Variants in HSD17B12 observed in about 807,000 individuals in gnomAD.
The protein encoded by HSD17B12 is very-long-chain 3-oxoacyl-CoA reductase.
A neutral mutation model predicts 39.3 loss-of-function variants in HSD17B12; 32 were observed. That is an observed-to-expected ratio of 0.81 (90% CI 0.61 to 1.09). The LOEUF is 1.09. Ranked by LOEUF, HSD17B12 falls within the 50% of genes least tolerant of loss-of-function variation. The pLI, the probability that HSD17B12 is intolerant of heterozygous loss-of-function variation, is 0.00. For missense variants in HSD17B12, 342 were observed against 382.9 expected (o/e 0.89, Z 0.89); for synonymous variants, 150 against 146.7 (o/e 1.02, Z -0.16).
At chr11:43,681,176 G>A in intron 1 of HSD17B12, 189 bp downstream of exon 1, 2 of 1,393,712 alleles carry the variant, frequency 1.4e-6, no homozygotes, top group South Asian at 3.2e-5. Context: ...TACTTGCAGA[G>A]TTTTAAGGTA....
chr11:43,653,743 TG>T, the HSD17B12 span, among the ~76,000 whole-genome samples: 1 of 152,248 alleles, frequency 6.6e-6, no homozygotes, highest in Non-Finnish European at 1.5e-5. Context: ...TCATTTTTTA[TG>T]GCTGCATAGT....
intron 3 of HSD17B12, among the ~76,000 whole-genome samples, chr11:43,790,543 T>C (rs1950858042): frequency 6.6e-6 from 1 of 152,216 alleles, no homozygotes; most frequent in African/African-American, 2.4e-5. Flanking sequence ...TATGTGCTCT[T>C]TTTCTGATCT....
intron 1 of HSD17B12, chr11:43,719,030 A>T: frequency 1.1e-6 from 1 of 940,860 alleles, no homozygotes; most frequent in Non-Finnish European, 1.7e-6. Flanking sequence ...GCTCTATGAC[A>T]TTGATGTGGC....
intron 1 of HSD17B12, among the ~76,000 whole-genome samples, chr11:43,738,835 T>C (rs1950339283): frequency 6.6e-6 from 1 of 152,168 alleles, no homozygotes; most frequent in Non-Finnish European, 1.5e-5. Context: ...GAAAGAGAGT[T>C]TTATTGGCAA....
chr11:43,674,812 C>T, the HSD17B12 span, among the ~76,000 whole-genome samples: 2 of 152,222 alleles, frequency 1.3e-5, no homozygotes, highest in Non-Finnish European at 2.9e-5. Flanking sequence ...TCAATTTCTG[C>T]ATTTTCTCAG....
At chr11:43,699,834 A>G (rs1016224182) in intron 1 of HSD17B12, among the ~76,000 whole-genome samples, 2 of 152,248 alleles carry the variant, frequency 1.3e-5, no homozygotes, top group Non-Finnish European at 2.9e-5. Context: ...GACATTTCTC[A>G]GGACATACAA....
At chr11:43,724,002 A>G (rs374825649) in intron 1 of HSD17B12, 2 of 151,944 alleles carry the variant, frequency 1.3e-5, no homozygotes, top group East Asian at 1.9e-4. Context: ...AGATGCTTCA[A>G]TTCTAAGATC....
At chr11:43,633,202 C>G in the HSD17B12 span, among the ~76,000 whole-genome samples, 17 of 152,146 alleles carry the variant, frequency 1.1e-4, no homozygotes, top group South Asian at 2.1e-4. Flanking sequence ...GTTTCCTTAA[C>G]TAGCTCAGTC....
chr11:43,704,268 G>T (rs1267236580), intron 1 of HSD17B12, among the ~76,000 whole-genome samples: 2 of 152,308 alleles, frequency 1.3e-5, no homozygotes, highest in Middle Eastern at 3.4e-3. Context: ...AGTTGATGTA[G>T]TTGATGTATA....
chr11:43,709,561 G>A (rs1950046307), intron 1 of HSD17B12, among the ~76,000 whole-genome samples: 4 of 152,192 alleles, frequency 2.6e-5, no homozygotes, highest in Admixed American at 2.6e-4. Context: ...CTGGTAGGAT[G>A]TATTCAGTTT....
At chr11:43,591,264 G>A in the HSD17B12 span, among the ~76,000 whole-genome samples, 1 of 151,978 alleles carries the variant, frequency 6.6e-6, no homozygotes, top group Non-Finnish European at 1.5e-5. Flanking sequence ...AAACATTTAA[G>A]CAAACATTTT....
At chr11:43,824,101 T>C (rs1951209263) in intron 6 of HSD17B12, among the ~76,000 whole-genome samples, 1 of 152,146 alleles carries the variant, frequency 6.6e-6, no homozygotes, top group Admixed American at 6.5e-5. Flanking sequence ...CAGACCTGAA[T>C]TACTACATGG....
intron 4 of HSD17B12, among the ~76,000 whole-genome samples, chr11:43,803,744 G>A (rs1176414068): frequency 6.6e-6 from 1 of 152,102 alleles, no homozygotes; most frequent in African/African-American, 2.4e-5. Context: ...GACTATAAAT[G>A]CTTAAGGTTG....
intron 1 of HSD17B12, among the ~76,000 whole-genome samples, chr11:43,741,622 G>T (rs976494040): frequency 6.6e-6 from 1 of 151,518 alleles, no homozygotes; most frequent in Non-Finnish European, 1.5e-5. Context: ...TTATGATGAA[G>T]AATTGACTCC....
At chr11:43,826,729 CTAT>C (rs1282879574) in intron 6 of HSD17B12, among the ~76,000 whole-genome samples, 1 of 152,172 alleles carries the variant, frequency 6.6e-6, no homozygotes, top group African/African-American at 2.4e-5. Flanking sequence ...AATAAATATT[CTAT>C]TAGCTATACA....
intron 3 of HSD17B12, among the ~76,000 whole-genome samples, chr11:43,777,831 G>A (rs1950723155): frequency 2.6e-5 from 4 of 152,178 alleles, no homozygotes; most frequent in African/African-American, 9.6e-5. Flanking sequence ...CACATTCAAA[G>A]CACTGTGTAG....
intron 3 of HSD17B12, among the ~76,000 whole-genome samples, chr11:43,769,666 A>T (rs1242783968): frequency 6.6e-6 from 1 of 152,190 alleles, no homozygotes; most frequent in Non-Finnish European, 1.5e-5. Context: ...AGTGTTTTTG[A>T]CTTCTATTTC....
At chr11:43,611,748 T>C in the HSD17B12 span, among the ~76,000 whole-genome samples, 1 of 152,176 alleles carries the variant, frequency 6.6e-6, no homozygotes, top group Non-Finnish European at 1.5e-5. Flanking sequence ...TTAAAAACAA[T>C]AGTGAATTTT....
chr11:43,836,716 T>C (rs2135123563), intron 7 of HSD17B12, among the ~76,000 whole-genome samples: 1 of 152,278 alleles, frequency 6.6e-6, no homozygotes, highest in East Asian at 1.9e-4. Flanking sequence ...AAGTGGTTTT[T>C]CTATTTTCAT....
Sources: gnomAD v4.1 joint callset for allele counts (sites outside exome capture counted in the v4.1 genomes callset) on GRCh38, gnomAD v4.1.1 for gene constraint, MANE v1.5 for transcripts, NCBI Gene and HGNC (gene_info 2026-07-23, HGNC 2026-07-21) for gene names.